ANKS1B: variants seen among roughly 807,000 people sequenced by gnomAD.
ANKS1B encodes ankyrin repeat and sterile alpha motif domain containing 1B.
ANKS1B carries 36 observed loss-of-function variants against 148.3 expected under a neutral mutation model. The ratio of observed to expected loss-of-function variants is 0.24; its 90% CI spans 0.19 to 0.32. The LOEUF (loss-of-function observed/expected upper bound fraction) is 0.32, where lower values mean the gene tolerates loss of function less well. ANKS1B is among the 10% of genes least tolerant of loss of function. The pLI is 1.00. For missense variants in ANKS1B, 1,157 were observed against 1,542.6 expected (o/e 0.75, Z 4.19); for synonymous variants, 542 against 560.8 (o/e 0.97, Z 0.47).
At chr12:99,864,107 A>T (rs1429152) in intron 1 of ANKS1B, among the ~76,000 whole-genome samples, 88,461 of 144,310 alleles carry the variant, frequency 0.61, 28,697 homozygotes, top group African/African-American at 0.77. Flanking sequence ...AAAAAGTAGA[A>T]CCCCTCTTTT....
intron 3 of ANKS1B, among the ~76,000 whole-genome samples, chr12:99,808,341 TAG>T (rs1396152379): frequency 6.6e-6 from 1 of 151,588 alleles, no homozygotes; most frequent in African/African-American, 2.4e-5. Flanking sequence ...TAAAAAGGAG[TAG>T]AGTGACAAGG....
chr12:99,404,737 T>C (rs1352933833), intron 11 of ANKS1B, among the ~76,000 whole-genome samples: 1 of 145,644 alleles, frequency 6.9e-6, no homozygotes, highest in African/African-American at 2.6e-5. Context: ...AAAAGTTTAC[T>C]CAAAGTGAGA....
At chr12:98,966,057 T>G (rs1568066415) in intron 17 of ANKS1B, among the ~76,000 whole-genome samples, 2 of 152,162 alleles carry the variant, frequency 1.3e-5, no homozygotes, top group African/African-American at 4.8e-5. Context: ...TAGGATCTAA[T>G]TAGACTAAAG....
intron 22 of ANKS1B, 139 bp from the exon 23 acceptor site, chr12:98,782,276 G>C (rs1038186485): frequency 1.4e-6 from 1 of 717,066 alleles, no homozygotes; most frequent in Non-Finnish European, 2.4e-6. Flanking sequence ...AAAAGAACAG[G>C]CTTCAGAGTC....
intron 17 of ANKS1B, among the ~76,000 whole-genome samples, chr12:98,942,814 AAAC>A (rs1168421422): frequency 2.6e-5 from 4 of 152,224 alleles, no homozygotes; most frequent in African/African-American, 9.7e-5. Context: ...TCGGTGTCAG[AAAC>A]AACGCCAAAC....
chr12:99,940,015 C>A (rs1456714452), intron 1 of ANKS1B, among the ~76,000 whole-genome samples: 1 of 152,142 alleles, frequency 6.6e-6, no homozygotes, highest in Non-Finnish European at 1.5e-5. Flanking sequence ...CTTTCATTGA[C>A]AATTTAGGTA....
chr12:99,738,828 A>C (rs2059840370), intron 8 of ANKS1B, among the ~76,000 whole-genome samples: 1 of 152,158 alleles, frequency 6.6e-6, no homozygotes, highest in Non-Finnish European at 1.5e-5. Flanking sequence ...AAATATGCTC[A>C]CATTTGGAGA....
At chr12:99,718,913 C>A (rs971372559) in intron 8 of ANKS1B, among the ~76,000 whole-genome samples, 7 of 152,074 alleles carry the variant, frequency 4.6e-5, no homozygotes, top group Non-Finnish European at 7.4e-5. Context: ...GTTTCATCCT[C>A]ATCTGTTACC....
At chr12:99,885,441 T>C (rs1291522202) in intron 1 of ANKS1B, among the ~76,000 whole-genome samples, 1 of 151,368 alleles carries the variant, frequency 6.6e-6, no homozygotes, top group Non-Finnish European at 1.5e-5. Context: ...GCTGGGACTA[T>C]AGGCACCTGC....
At chr12:98,804,870 G>A (rs1245549046) in intron 20 of ANKS1B, among the ~76,000 whole-genome samples, 6 of 152,070 alleles carry the variant, frequency 3.9e-5, no homozygotes, top group Non-Finnish European at 7.4e-5. Context: ...TTTAAATTTA[G>A]TAATTTTCCA....
intron 17 of ANKS1B, among the ~76,000 whole-genome samples, chr12:98,929,028 T>C (rs993147287): frequency 2.0e-5 from 3 of 148,480 alleles, no homozygotes; most frequent in Non-Finnish European, 3.0e-5. Context: ...GATCGTTATA[T>C]AGAAAACCCT....
intron 9 of ANKS1B, chr12:99,649,418 T>C: frequency 6.3e-7 from 1 of 1,583,990 alleles, no homozygotes; most frequent in Non-Finnish European, 8.7e-7. Flanking sequence ...ACCTCCCACA[T>C]ATACTACGTT....
intron 9 of ANKS1B, among the ~76,000 whole-genome samples, chr12:99,631,051 G>C (rs1319826648): frequency 6.6e-6 from 1 of 152,128 alleles, no homozygotes; most frequent in African/African-American, 2.4e-5. Flanking sequence ...CATGTCTCAT[G>C]TAAGACATGA....
At position 99,629,031 on chromosome 12, in the gene ANKS1B, G is replaced by A. The variant is rs578161402; in HGVS notation, c.1272+26036C>T. On this transcript the variant is annotated intron_variant, in intron 9 of 26. Coordinates refer to ENST00000683438, the MANE Select transcript of ANKS1B (RefSeq NM_001352186.2). ...TCAACAAAAATCCATCCTACCACTT[G>A]CTTTTATGAGATCTTATTGAAACAC... Among the ~76,000 whole-genome samples the A allele has an allele frequency of 8.1e-3, 1,227 of 152,144 alleles. 13 individuals are homozygous for A. The highest frequency in any genetic ancestry group is 0.027 in the Middle Eastern group (8 of 294).
intron 14 of ANKS1B, among the ~76,000 whole-genome samples, chr12:99,237,815 C>T (rs1426075041): frequency 6.6e-6 from 1 of 152,198 alleles, no homozygotes; most frequent in African/African-American, 2.4e-5. Flanking sequence ...CAGGGTCTCA[C>T]TATCTTGCCA....
At chr12:98,819,398 T>A (rs1020317504) in intron 19 of ANKS1B, among the ~76,000 whole-genome samples, 2 of 152,158 alleles carry the variant, frequency 1.3e-5, no homozygotes, top group Non-Finnish European at 2.9e-5. Context: ...GCTGGAGACA[T>A]TTAATATAGT....
At chr12:99,733,128 G>A (rs1404674842) in intron 8 of ANKS1B, among the ~76,000 whole-genome samples, 1 of 151,960 alleles carries the variant, frequency 6.6e-6, no homozygotes, top group African/African-American at 2.4e-5. Flanking sequence ...TTGGGTCAGG[G>A]TATACTTTCC....
At chr12:98,925,249 T>C (rs1032263005) in intron 17 of ANKS1B, among the ~76,000 whole-genome samples, 5 of 152,160 alleles carry the variant, frequency 3.3e-5, no homozygotes, top group Admixed American at 6.5e-5. Flanking sequence ...ATGAAGCTAA[T>C]TGGTTTAAAA....
chr12:99,632,036 G>A (rs1029180211), intron 9 of ANKS1B, among the ~76,000 whole-genome samples: 2 of 152,144 alleles, frequency 1.3e-5, no homozygotes, highest in Non-Finnish European at 2.9e-5. Context: ...CTCAAAGGCT[G>A]AGGAGAGTAG....
Sources: allele counts gnomAD v4.1 joint callset (sites outside exome capture counted in the v4.1 genomes callset), GRCh38; gene constraint gnomAD v4.1.1; transcripts MANE v1.5; gene names NCBI Gene and HGNC (gene_info 2026-07-23, HGNC 2026-07-21).